Variants in COMMD10 observed in about 807,000 individuals in gnomAD.
COMMD10 encodes COMM domain containing 10.
COMMD10 carries 33 observed loss-of-function variants against 28.9 expected under a neutral mutation model. That is an observed-to-expected ratio of 1.14 (90% CI 0.87 to 1.53). The LOEUF (loss-of-function observed/expected upper bound fraction) is 1.53, where lower values mean the gene tolerates loss of function less well. Ranked by LOEUF, COMMD10 falls within the 40% of genes most tolerant of loss-of-function variation. COMMD10 has a pLI of 0.00. For synonymous variants in COMMD10, 110 were observed against 81.7 expected (o/e 1.35, Z -1.87); for missense variants, 310 against 233.4 (o/e 1.33, Z -2.14).
chr5:116,175,215 G>T (rs1753464265), intron 5 of COMMD10, among the ~76,000 whole-genome samples: 1 of 151,062 alleles, frequency 6.6e-6, no homozygotes, highest in African/African-American at 2.4e-5. Flanking sequence ...TTTTATTTTT[G>T]TGTCTGTATC....
intron 5 of COMMD10, 48 bp from the exon 6 acceptor site, chr5:116,291,469 G>A (rs1267928027): frequency 1.6e-6 from 2 of 1,284,258 alleles, no homozygotes; most frequent in Non-Finnish European, 2.2e-6. Context: ...AAAATGTGAT[G>A]TAAATTGTGT....
chr5:116,244,606 T>A (rs975901091), intron 5 of COMMD10, among the ~76,000 whole-genome samples: 26 of 149,024 alleles, frequency 1.7e-4, no homozygotes, highest in African/African-American at 6.5e-4. Context: ...AAGTAAGGTA[T>A]TTTAAGATGC....
chr5:116,177,528 C>A (rs983599815), intron 5 of COMMD10, among the ~76,000 whole-genome samples: 1 of 148,360 alleles, frequency 6.7e-6, no homozygotes, highest in African/African-American at 2.5e-5. Flanking sequence ...CTAAGTGACC[C>A]CCCCCACCCC....
chr5:116,227,833 A>G (rs1749435717), intron 5 of COMMD10, among the ~76,000 whole-genome samples: 1 of 152,114 alleles, frequency 6.6e-6, no homozygotes, highest in African/African-American at 2.4e-5. Flanking sequence ...TCTCTCACCC[A>G]GGGACATCAG....
At chr5:116,267,703 A>G (rs1310094591) in intron 5 of COMMD10, among the ~76,000 whole-genome samples, 1 of 151,970 alleles carries the variant, frequency 6.6e-6, no homozygotes, top group Non-Finnish European at 1.5e-5. Flanking sequence ...AGACTATACT[A>G]CAAGGCTACA....
intron 4 of COMMD10, among the ~76,000 whole-genome samples, chr5:116,094,700 A>G (rs1027805355): frequency 6.6e-6 from 1 of 152,222 alleles, no homozygotes; most frequent in African/African-American, 2.4e-5. Flanking sequence ...AAATCGGTAT[A>G]TTAAAGAAAT....
At chr5:116,198,172 G>C (rs574866789) in intron 5 of COMMD10, among the ~76,000 whole-genome samples, 3 of 152,104 alleles carry the variant, frequency 2.0e-5, no homozygotes, top group Non-Finnish European at 4.4e-5. Flanking sequence ...TACAGCTGAA[G>C]AGTGAGCTTA....
At chr5:116,241,582 T>TCTTA (rs1561387684) in intron 5 of COMMD10, among the ~76,000 whole-genome samples, 2 of 110,802 alleles carry the variant, frequency 1.8e-5, no homozygotes, top group Admixed American at 1.9e-4. Context: ...CACTCTGCTT[T>TCTTA]CTTATTTATT....
chr5:116,244,781 C>T (rs1433337946), intron 5 of COMMD10, among the ~76,000 whole-genome samples: 1 of 151,024 alleles, frequency 6.6e-6, no homozygotes, highest in East Asian at 1.9e-4. Flanking sequence ...CTTGAAACTG[C>T]TGAGAACAGA....
At chr5:116,163,360 G>A (rs1437865055) in intron 5 of COMMD10, among the ~76,000 whole-genome samples, 2 of 148,990 alleles carry the variant, frequency 1.3e-5, no homozygotes, top group Admixed American at 1.3e-4. Flanking sequence ...CGAGGCAGGT[G>A]GATCACCCGA....
intron 5 of COMMD10, 64 bp downstream of exon 5, chr5:116,134,242 T>A: frequency 1.1e-6 from 1 of 877,000 alleles, no homozygotes; most frequent in Non-Finnish European, 1.9e-6. Context: ...TTTTTATTCT[T>A]AGCAGTCTTT....
intron 2 of COMMD10, among the ~76,000 whole-genome samples, chr5:116,089,714 GA>G (rs1750235926): frequency 6.6e-6 from 1 of 152,158 alleles, no homozygotes; most frequent in Non-Finnish European, 1.5e-5. Flanking sequence ...GGTGCTTGTT[GA>G]AAAGTGAAGT....
In COMMD10 at chr5:116,096,489, T is replaced by G. The variant is rs114963235; in HGVS notation, c.399+3789T>G. Among the ~76,000 whole-genome samples, 1,011 of 152,214 alleles carry G rather than the reference T, an allele frequency of 6.6e-3. 15 individuals carry two copies. The highest frequency in any genetic ancestry group is 0.023 in the African/African-American group (970 of 41,568). ...CTAATTAGTTTTAGCAGCTTTCTTA[T>G]AGGTTTTTTGTGATTTCCTTTGAAG... On this transcript the variant is annotated intron_variant, in intron 4 of 6. Coordinates refer to ENST00000274458, the MANE Select transcript of COMMD10 (RefSeq NM_016144.4).
intron 5 of COMMD10, among the ~76,000 whole-genome samples, chr5:116,236,481 G>C (rs1340904223): frequency 2.1e-5 from 3 of 145,868 alleles, no homozygotes; most frequent in South Asian, 2.2e-4. Context: ...TCTAGCCTGG[G>C]TGACAAGAGC....
chr5:116,267,319 G>C (rs1228061461), intron 5 of COMMD10, among the ~76,000 whole-genome samples: 1 of 151,910 alleles, frequency 6.6e-6, no homozygotes, highest in East Asian at 1.9e-4. Flanking sequence ...CAAACAGAGA[G>C]TGAAATCATG....
chr5:116,172,531 ATCTACCCTAGGTCGGAAATATTTAAGTG>A, intron 5 of COMMD10, among the ~76,000 whole-genome samples: 1 of 152,298 alleles, frequency 6.6e-6, no homozygotes, highest in South Asian at 2.1e-4. Context: ...GCTTTCTGTT[ATCTACCCTAGGTCGGAAATATTTAAGTG>A]TTTTTTCTTC....
In COMMD10 at chr5:116,187,202, C is replaced by A. The variant is rs1748167443; in HGVS notation, c.510+53024C>A. 2.0e-5 allele frequency among the ~76,000 whole-genome samples: 3 copies of A among 152,074 alleles called. No individual in the cohort carries two copies. The South Asian group carries it at 6.2e-4, about 31-fold the overall frequency. On this transcript the variant is annotated intron_variant, in intron 5 of 6. Transcript: ENST00000274458. ...CCTGAATATATTAGACCCTTTTCAG[C>A]TCCTAATGCTGTAGAATAAATGAAG...
chr5:116,204,665 C>A (rs1288696243), intron 5 of COMMD10, among the ~76,000 whole-genome samples: 1 of 152,124 alleles, frequency 6.6e-6, no homozygotes, highest in Non-Finnish European at 1.5e-5. Flanking sequence ...AAAAATCACT[C>A]ATTGACACTT....
chr5:116,292,960 A>C lies in COMMD10; in HGVS notation c.*471A>C, dbSNP rs112702632. On this transcript the variant is annotated 3_prime_UTR_variant, in exon 7 of 7. Transcript: ENST00000274458. ...ACTATGGCATTTTTATTTGAATATG[A>C]TGAGTATATTTTGCTTCGGAAATAA... 1 of 396,956 alleles carries C rather than the reference A, an allele frequency of 2.5e-6. No homozygotes were observed. The highest frequency in any genetic ancestry group is 4.4e-6 in the Non-Finnish European group (1 of 225,044). 24.6% of individuals were successfully genotyped at this position (396,956 alleles called of 1,614,324 possible).
Sources: gnomAD v4.1 joint callset for allele counts (sites outside exome capture counted in the v4.1 genomes callset) on GRCh38, gnomAD v4.1.1 for gene constraint, MANE v1.5 for transcripts, NCBI Gene and HGNC (gene_info 2026-07-23, HGNC 2026-07-21) for gene names.